Variants in SMC1B observed in about 807,000 individuals in gnomAD.
SMC1B encodes the protein structural maintenance of chromosomes 1B, also known as structural maintenance of chromosomes protein 1B.
In SMC1B, 60 loss-of-function variants were observed where a neutral mutation model predicts 157.9. The observed-to-expected ratio is 0.38, with a 90% CI of 0.31 to 0.47. The LOEUF (loss-of-function observed/expected upper bound fraction) is 0.47. Ranked by LOEUF, SMC1B falls within the 20% of genes least tolerant of loss-of-function variation. The pLI, the probability that SMC1B is intolerant of heterozygous loss-of-function variation, is 0.99. For synonymous variants in SMC1B, 445 were observed against 483.0 expected (o/e 0.92, Z 1.03); for missense variants, 1,165 against 1,426.2 (o/e 0.82, Z 2.95).
intron 12 of SMC1B, 85 bp from the exon 13 acceptor site, chr22:45,372,377 T>C: frequency 8.5e-7 from 1 of 1,170,360 alleles, no homozygotes. Context: ...AATAATTCAC[T>C]GATTTTTACA....
At chr22:45,347,878 A>T (rs1266885940) in intron 23 of SMC1B, among the ~76,000 whole-genome samples, 1 of 152,244 alleles carries the variant, frequency 6.6e-6, no homozygotes, top group Non-Finnish European at 1.5e-5. Flanking sequence ...GCCTGGAATC[A>T]GAACCAGGAG....
At chr22:45,376,600 T>C (rs75091316) in intron 12 of SMC1B, among the ~76,000 whole-genome samples, 1 of 152,320 alleles carries the variant, frequency 6.6e-6, no homozygotes, top group African/African-American at 2.4e-5. Flanking sequence ...CTGGATCATA[T>C]GGTAATTCTA....
chr22:45,396,316 TC>T, intron 7 of SMC1B, 29 bp downstream of exon 7: 1 of 1,573,884 alleles, frequency 6.4e-7, no homozygotes, highest in Non-Finnish European at 8.6e-7. Flanking sequence ...TAAGAATGAT[TC>T]TAAATCATTA....
At chr22:45,399,932 G>A (rs2087172979) in intron 5 of SMC1B, among the ~76,000 whole-genome samples, 1 of 152,184 alleles carries the variant, frequency 6.6e-6, no homozygotes, top group East Asian at 1.9e-4. Flanking sequence ...GATGGCAGAT[G>A]GTAGAAGCCA....
Position 45,352,323 on chromosome 22 carries a change from G to A in SMC1B, c.3425+128C>T. The stretch of plus-strand genomic sequence containing the variant: ...CCTAAAACATAATCTGAATTGTCTG[G>A]CTGAAGAAGATAGTTTTGTATCTCA... On this transcript the variant is annotated intron_variant, in intron 22 of 24. Coordinates refer to ENST00000357450, the MANE Select transcript of SMC1B (RefSeq NM_148674.5). 2.5e-6 allele frequency: 2 copies of A among 795,406 alleles called. 1 individual carries two copies. The highest frequency in any genetic ancestry group is 7.6e-5 in the South Asian group (2 of 26,346). The allele number at this position is 795,406 out of a possible 1,614,324, so 49.3% of individuals were successfully genotyped here.
intron 23 of SMC1B, among the ~76,000 whole-genome samples, chr22:45,348,187 C>T (rs80147164): frequency 7.4e-4 from 113 of 152,310 alleles, no homozygotes; most frequent in African/African-American, 2.6e-3. Flanking sequence ...TTCCTTAGTT[C>T]TCTCATTCTC....
chr22:45,403,569 T>C (rs1161306418), intron 4 of SMC1B, among the ~76,000 whole-genome samples: 1 of 152,204 alleles, frequency 6.6e-6, no homozygotes, highest in African/African-American at 2.4e-5. Context: ...TCCTTCTGTG[T>C]CAGCCTCCTG....
rs1010055251 is a variant in SMC1B, at chr22:45,393,661, G to T, written c.1518C>A (p.His506Gln). ...RQQKRAEVLE[H>Q]LKRLYPDSVF... ...CAGAATCTGGGTACAGTCTTTTAAG[G>T]TGTTCCAGAACCTCTGCTCTCTTTT... is the stretch of plus-strand genomic sequence containing the variant. The change falls in exon 9 of 25, where the codon CAC becomes CAA. Residue 506 changes from histidine (H) to glutamine (Q), a missense_variant. By Grantham distance (24) the His-to-Gln change is conservative. Transcript: ENST00000357450. 1.2e-6 allele frequency: 2 copies of T among 1,613,708 alleles called. No individual in the cohort carries two copies. Among genetic ancestry groups the T allele is most frequent in the Non-Finnish European group, 1.7e-6 (2 of 1,179,884 alleles).
chr22:45,400,697 A>T (rs2087182270), intron 5 of SMC1B, among the ~76,000 whole-genome samples: 1 of 152,226 alleles, frequency 6.6e-6, no homozygotes, highest in Non-Finnish European at 1.5e-5. Context: ...AACCTCACAG[A>T]GGAGAAACAT....
chr22:45,399,991 A>G (rs530335183), intron 5 of SMC1B, among the ~76,000 whole-genome samples: 3 of 152,368 alleles, frequency 2.0e-5, no homozygotes, highest in Admixed American at 6.5e-5. Flanking sequence ...AGAGAAGGCT[A>G]GAATGATTAA....
At chr22:45,375,378 G>A (rs1246573691) in intron 12 of SMC1B, among the ~76,000 whole-genome samples, 1 of 152,124 alleles carries the variant, frequency 6.6e-6, no homozygotes, top group East Asian at 1.9e-4. Context: ...TGACCACCTT[G>A]GGCACATGCT....
intron 1 of SMC1B, among the ~76,000 whole-genome samples, chr22:45,409,681 G>A (rs1392140802): frequency 5.9e-5 from 9 of 152,110 alleles, no homozygotes; most frequent in African/African-American, 1.9e-4. Context: ...ATGAGATGGT[G>A]CTACAGAAAA....
At chr22:45,357,135 T>C (rs922166087) in intron 19 of SMC1B, among the ~76,000 whole-genome samples, 1 of 152,266 alleles carries the variant, frequency 6.6e-6, no homozygotes, top group Admixed American at 6.5e-5. Flanking sequence ...CTTGGTACAA[T>C]GAATTGGGGT....
chr22:45,404,194 G>A (rs1017052442), intron 4 of SMC1B, among the ~76,000 whole-genome samples: 9 of 152,054 alleles, frequency 5.9e-5, no homozygotes, highest in African/African-American at 9.7e-5. Flanking sequence ...CACCTGCCTC[G>A]GTCTCCCAAA....
chr22:45,370,918 G>A (rs2086824954), intron 14 of SMC1B, among the ~76,000 whole-genome samples: 2 of 152,158 alleles, frequency 1.3e-5, no homozygotes, highest in South Asian at 2.1e-4. Context: ...CGTGGTAAAC[G>A]TCAGGCCTAA....
At chr22:45,368,795 A>T (rs1048813550) in intron 15 of SMC1B, among the ~76,000 whole-genome samples, 2 of 152,160 alleles carry the variant, frequency 1.3e-5, no homozygotes, top group Non-Finnish European at 2.9e-5. Context: ...TTGGAATTAC[A>T]GGCGTGAGCC....
At chr22:45,356,722 C>CT (rs2086673344) in intron 19 of SMC1B, among the ~76,000 whole-genome samples, 13 of 143,436 alleles carry the variant, frequency 9.1e-5, no homozygotes, top group African/African-American at 3.3e-4. Flanking sequence ...CTTAATTTTT[C>CT]TTTTCTTTTT....
intron 24 of SMC1B, among the ~76,000 whole-genome samples, chr22:45,345,001 A>G (rs914833086): frequency 1.3e-5 from 2 of 152,196 alleles, no homozygotes; most frequent in Non-Finnish European, 2.9e-5. Flanking sequence ...AGTATTTTCA[A>G]TGGCTTGAGA....
chr22:45,363,332 C>A (rs2086739540), intron 15 of SMC1B, among the ~76,000 whole-genome samples: 1 of 152,174 alleles, frequency 6.6e-6, no homozygotes, highest in Non-Finnish European at 1.5e-5. Flanking sequence ...AGTATTATGG[C>A]TAAAATATAA....
Sources: allele counts gnomAD v4.1 joint callset (sites outside exome capture counted in the v4.1 genomes callset), GRCh38; gene constraint gnomAD v4.1.1; transcripts MANE v1.5; gene names NCBI Gene and HGNC (gene_info 2026-07-23, HGNC 2026-07-21).